The following XBP1 variants were observed in gnomAD, a reference collection of about 807,000 sequenced individuals.
XBP1 encodes X-box-binding protein 1.
In XBP1, 18 loss-of-function variants were observed where a neutral mutation model predicts 34.6. That is an observed-to-expected ratio of 0.52 (90% CI 0.36 to 0.77). XBP1 has a LOEUF of 0.77. XBP1 is among the 30% of genes least tolerant of loss of function. XBP1 has a pLI of 0.00. For synonymous variants in XBP1, 191 were observed against 193.4 expected (o/e 0.99, Z 0.11); for missense variants, 422 against 464.6 (o/e 0.91, Z 0.84).
At chr22:28,795,784 A>G in intron 5 of XBP1, 52 bp from the exon 6 acceptor site, 1 of 1,494,730 alleles carries the variant, frequency 6.7e-7, no homozygotes, top group Non-Finnish European at 9.0e-7. Context: ...ACAATGGAAA[A>G]TCTAACTGGA....
intron 3 of XBP1, chr22:28,796,875 A>G (rs988349418): frequency 5.9e-6 from 3 of 509,108 alleles, no homozygotes; most frequent in Admixed American, 3.9e-5. Flanking sequence ...ATTAGATCTT[A>G]GTACTGTTCA....
chr22:28,800,364 C>G (rs2031857668), exon 1 of XBP1: 5 of 1,542,652 alleles, frequency 3.2e-6, no homozygotes, highest in Non-Finnish European at 4.4e-6. Flanking sequence ...CTGGGGCAGC[C>G]CCCCGCTCGC....
chr22:28,800,331 G>T, exon 1 of XBP1: 1 of 1,550,910 alleles, frequency 6.4e-7, no homozygotes, highest in Non-Finnish European at 8.7e-7. Context: ...GCTCAGGTGC[G>T]TGAGGCGCTG....
intron 2 of XBP1, 106 bp from the exon 3 acceptor site, chr22:28,797,311 ACT>A: frequency 7.5e-7 from 1 of 1,334,868 alleles, no homozygotes; most frequent in Non-Finnish European, 1.0e-6. Flanking sequence ...CTTTTGGAAA[ACT>A]CTATGCTTGT....
rs964174371 is a variant in XBP1, at chr22:28,799,367, T to C, written c.228-214A>G. 5.3e-5 allele frequency among the ~76,000 whole-genome samples: 8 copies of C among 152,348 alleles called. No homozygotes were observed. In the East Asian group the frequency reaches 5.8e-4, roughly 11 times the overall value. On this transcript the variant is annotated intron_variant, in intron 1 of 5. Coordinates refer to ENST00000344347, the Ensembl canonical transcript of XBP1. ...AAGACCTGCTTTATTCTCTCCTATA[T>C]TGCATCATCCGTCCACCTCAGACTC...
exon 4 of XBP1, chr22:28,796,190 C>T (rs1044899254): frequency 1.5e-5 from 23 of 1,547,534 alleles, no homozygotes; most frequent in Admixed American, 1.3e-4. Flanking sequence ...TCACTTCATT[C>T]CCCTGGGAGG....
At chr22:28,795,101 TACAG>T, downstream of XBP1, 1 of 1,419,710 alleles carries the variant, frequency 7.0e-7, no homozygotes, top group East Asian at 2.5e-5. Context: ...TTGAATGAAG[TACAG>T]ACAGGCTTCT....
At chr22:28,799,252 G>C (rs1211408580) in intron 1 of XBP1, 99 bp from the exon 2 acceptor site, 1 of 799,420 alleles carries the variant, frequency 1.3e-6, no homozygotes, top group Non-Finnish European at 2.0e-6. Context: ...TTTATTTACA[G>C]TATAAGACAG....
At chr22:28,800,539 C>A (rs774563005), upstream of XBP1, 29 of 1,474,850 alleles carry the variant, frequency 2.0e-5, no homozygotes, top group Non-Finnish European at 2.5e-5. Flanking sequence ...CCAGACTACG[C>A]ACCGCGCACC....
chr22:28,798,113 C>G (rs1001006132), intron 2 of XBP1, among the ~76,000 whole-genome samples: 2 of 152,110 alleles, frequency 1.3e-5, no homozygotes, highest in African/African-American at 4.8e-5. Context: ...TCTGGCCATG[C>G]CAGGAAGAAT....
chr22:28,797,919 A>C (rs571198832), intron 2 of XBP1, among the ~76,000 whole-genome samples: 2 of 152,260 alleles, frequency 1.3e-5, no homozygotes, highest in East Asian at 3.9e-4. Context: ...CCTGCTCCTG[A>C]CTCATGATTC....
At chr22:28,796,155 G>C in exon 4 of XBP1, 1 of 1,606,614 alleles carries the variant, frequency 6.2e-7, no homozygotes. Context: ...GAGTGCTGCG[G>C]ACTCAGCAGA....
rs567549010 is a variant in XBP1, at chr22:28,798,996, A to G, written c.324+61T>C. 1.7e-5 allele frequency: 23 copies of G among 1,370,056 alleles called. 1 individual carries two copies. The South Asian group carries it at 2.6e-4, about 16-fold the overall frequency. 84.9% of individuals were successfully genotyped at this position (1,370,056 alleles called of 1,614,324 possible). A position where few individuals can be genotyped will look rare whatever the true frequency, so the allele number is the denominator to read the frequency against. ...CAACTTGGGATGGGAAGCAAATATC[A>G]GAACATTCACCAAGGAAGGGTATAC... On this transcript the variant is annotated intron_variant, in intron 2 of 5. Transcript: ENST00000344347.
rs865783432 is a variant in XBP1, at chr22:28,796,042, C to A, written c.573+5G>T. On this transcript the variant is annotated splice_donor_5th_base_variant and intron_variant, in intron 5 of 5. Transcript: ENST00000344347. Reference sequence around the variant, plus strand: ...AGCTCTTTAATAAGTCAGAATGATCCCTACCTCTGAATCTGAAGAGTCAAT... The same window carrying A: ...AGCTCTTTAATAAGTCAGAATGATCACTACCTCTGAATCTGAAGAGTCAAT... 1.2e-6 allele frequency: 2 copies of A among 1,613,944 alleles called. No homozygotes were observed. Among genetic ancestry groups the A allele is most frequent in the African/African-American group, 2.7e-5 (2 of 74,906 alleles).
At chr22:28,797,651 G>A (rs542916977) in intron 2 of XBP1, among the ~76,000 whole-genome samples, 1 of 151,934 alleles carries the variant, frequency 6.6e-6, no homozygotes, top group Non-Finnish European at 1.5e-5. Flanking sequence ...ATGTGGTGAG[G>A]GGTGCCTGTA....
At chr22:28,797,283 T>A in intron 2 of XBP1, 78 bp from the exon 3 acceptor site, 1 of 1,502,880 alleles carries the variant, frequency 6.7e-7, no homozygotes, top group Non-Finnish European at 9.0e-7. Context: ...GTATAATTGG[T>A]TTCCTTTCCT....
chr22:28,799,305 CAAAAT>C (rs1209724158), intron 1 of XBP1, 152 bp from the exon 2 acceptor site: 1 of 599,140 alleles, frequency 1.7e-6, no homozygotes, highest in East Asian at 2.8e-5. Flanking sequence ...CTCAATAAAA[CAAAAT>C]AAAAAATACA....
intron 1 of XBP1, among the ~76,000 whole-genome samples, chr22:28,799,525 A>T (rs1369752375): frequency 6.6e-6 from 1 of 152,078 alleles, no homozygotes; most frequent in Non-Finnish European, 1.5e-5. Flanking sequence ...ACCTGGCCTC[A>T]TTAATCTAGT....
upstream of XBP1, chr22:28,800,544 C>CGCA (rs2031867227): frequency 1.4e-6 from 2 of 1,473,772 alleles, no homozygotes; most frequent in Non-Finnish European, 1.8e-6. Context: ...CTACGCACCG[C>CGCA]GCACCGCGCG....
Sources: gnomAD v4.1 joint callset for allele counts (sites outside exome capture counted in the v4.1 genomes callset) on GRCh38, gnomAD v4.1.1 for gene constraint, MANE v1.5 for transcripts, NCBI Gene and HGNC (gene_info 2026-07-23, HGNC 2026-07-21) for gene names.